The following UBXN11 variants were observed in gnomAD, a reference collection of about 807,000 sequenced individuals.
UBXN11 encodes UBX domain-containing protein 11.
Under a neutral mutation model 62.8 loss-of-function variants are expected in UBXN11, and 47 were observed. That is an observed-to-expected ratio of 0.75 (90% CI 0.59 to 0.95). The LOEUF (loss-of-function observed/expected upper bound fraction) is 0.95. Ranked by LOEUF, UBXN11 falls within the 40% of genes least tolerant of loss-of-function variation. UBXN11 has a pLI of 0.00. For synonymous variants in UBXN11, 294 were observed against 267.0 expected, an observed-to-expected ratio of 1.10 and a Z score of -0.99; for missense variants, 638 against 661.7, an observed-to-expected ratio of 0.96 and a Z score of 0.39.
chr1:26,307,676 T>C (rs2073695326), upstream of UBXN11, among the ~76,000 whole-genome samples: 1 of 149,006 alleles, frequency 6.7e-6, no homozygotes, highest in South Asian at 2.2e-4. Flanking sequence ...GCCTACCACA[T>C]TCAGGGAAGG....
chr1:26,317,706 T>C (rs1311262053), intron 1 of UBXN11, among the ~76,000 whole-genome samples: 1 of 152,162 alleles, frequency 6.6e-6, no homozygotes, highest in Non-Finnish European at 1.5e-5. Flanking sequence ...GCCTGCAGGA[T>C]GCATGATTCC....
chr1:26,285,106 A>G, intron 10 of UBXN11: 3 of 1,051,812 alleles, frequency 2.9e-6, no homozygotes, highest in Non-Finnish European at 3.4e-6. Context: ...TGTGGCTCAC[A>G]GCACTGCCTC....
chr1:26,301,195 G>C (rs974573517), intron 3 of UBXN11, 171 bp from the exon 4 acceptor site: 1 of 1,332,956 alleles, frequency 7.5e-7, no homozygotes, highest in African/African-American at 1.5e-5. Flanking sequence ...GGCTGTTTTG[G>C]AGTTCTTCCA....
chr1:26,294,364 G>A (rs759082985), intron 7 of UBXN11, 33 bp from the exon 8 acceptor site: 14 of 1,607,768 alleles, frequency 8.7e-6, no homozygotes, highest in Admixed American at 6.7e-5. Context: ...GCGGGGCACC[G>A]TCAGCTCAGC....
At chr1:26,299,836 T>A (rs896409344) in intron 4 of UBXN11, among the ~76,000 whole-genome samples, 1 of 151,716 alleles carries the variant, frequency 6.6e-6, no homozygotes, top group Non-Finnish European at 1.5e-5. Context: ...TGGTTACTAC[T>A]GAAAGTGACC....
intron 4 of UBXN11, 97 bp downstream of exon 4, chr1:26,300,829 C>G: frequency 6.3e-7 from 1 of 1,575,934 alleles, no homozygotes; most frequent in Non-Finnish European, 8.6e-7. Flanking sequence ...TCAGACCAAA[C>G]AGGCGAGAGG....
At chr1:26,308,041 C>G (rs1423941468), upstream of UBXN11, among the ~76,000 whole-genome samples, 1 of 152,048 alleles carries the variant, frequency 6.6e-6, no homozygotes, top group South Asian at 2.1e-4. Context: ...CTGAGGCAGG[C>G]GGATCATCTG....
intron 1 of UBXN11, among the ~76,000 whole-genome samples, chr1:26,304,387 C>G (rs2073612047): frequency 6.6e-6 from 1 of 152,016 alleles, no homozygotes; most frequent in Non-Finnish European, 1.5e-5. Flanking sequence ...CCAGAGAGAT[C>G]TTAAAACATA....
chr1:26,302,286 G>A (rs1301211437), intron 2 of UBXN11, among the ~76,000 whole-genome samples: 2 of 147,494 alleles, frequency 1.4e-5, no homozygotes, highest in African/African-American at 5.0e-5. Context: ...CTTGAACTCA[G>A]GAGGCACAGG....
intron 10 of UBXN11, 41 bp from the exon 11 acceptor site, chr1:26,284,523 C>G: frequency 1.3e-6 from 2 of 1,550,888 alleles, no homozygotes. Flanking sequence ...GGACCCAGCT[C>G]TTCAGCCCTT....
chr1:26,294,094 G>A, intron 8 of UBXN11, 111 bp downstream of exon 8: 2 of 1,498,302 alleles, frequency 1.3e-6, no homozygotes, highest in East Asian at 2.4e-5. Context: ...AGGGCGTCTT[G>A]GGTCAGGGAC....
At chr1:26,302,504 C>T (rs1443237574) in intron 2 of UBXN11, among the ~76,000 whole-genome samples, 1 of 152,080 alleles carries the variant, frequency 6.6e-6, no homozygotes, top group Non-Finnish European at 1.5e-5. Flanking sequence ...CCACACAGGG[C>T]CTGGCCCAGG....
At chr1:26,309,847 C>T (rs2073723672), upstream of UBXN11, among the ~76,000 whole-genome samples, 1 of 152,166 alleles carries the variant, frequency 6.6e-6, no homozygotes, top group Admixed American at 6.6e-5. Flanking sequence ...GAGGCACCGG[C>T]CCCAGCATGA....
chr1:26,307,936 T>C (rs552846104), upstream of UBXN11, among the ~76,000 whole-genome samples: 35 of 152,224 alleles, frequency 2.3e-4, 1 homozygote, highest in African/African-American at 7.2e-4. Flanking sequence ...AGAGAGCTAC[T>C]ACTACTGAGT....
chr1:26,296,611 G>A lies in UBXN11; in HGVS notation c.432+308C>T, dbSNP rs568383580. ...CAAGCTAAGATGAAGAGGCATGCAG[G>A]GGCCAGCCCGCAGGGGCCACAGCGA... On this transcript the variant is annotated intron_variant, in intron 7 of 14. Coordinates refer to ENST00000374222, the MANE Select transcript of UBXN11 (RefSeq NM_001389556.1). Among the ~76,000 whole-genome samples, 10 of 152,306 alleles carry A rather than the reference G, an allele frequency of 6.6e-5. No homozygotes were observed. The South Asian group carries it at 1.9e-3, about 28-fold the overall frequency.
At chr1:26,293,997 G>A (rs1244751798) in intron 8 of UBXN11, among the ~76,000 whole-genome samples, 9 of 152,100 alleles carry the variant, frequency 5.9e-5, no homozygotes, top group South Asian at 2.1e-4. Context: ...AGGTAGGACC[G>A]TGGAGAAGTG....
chr1:26,306,124 A>C (rs1557691597), intron 1 of UBXN11, among the ~76,000 whole-genome samples: 1 of 152,056 alleles, frequency 6.6e-6, no homozygotes, highest in Non-Finnish European at 1.5e-5. Context: ...CAGTCGCCTA[A>C]CTCCTTCACT....
rs561992251 is a variant in UBXN11 at position 26,294,254 on chromosome 1, T to G, written c.510A>C (p.Ser170=). The change falls in exon 8 of 15, where the codon TCA becomes TCC. Residue 170 remains serine (S), a synonymous_variant. Coordinates refer to ENST00000374222, the MANE Select transcript of UBXN11 (RefSeq NM_001389556.1). ...TCATCCAGTCCCTCTCGCCATGCTC[T>G]GAGACTGTCTTGCTCTCTGAGTCCT... ...DQEDSESKTV[S]EHGERDWMTA... is the part of the protein sequence containing the mutation. The G allele has an allele frequency of 1.2e-6, 2 of 1,614,214 alleles. No individual in the cohort carries two copies. Among genetic ancestry groups the G allele is most frequent in the Non-Finnish European group, 1.7e-6 (2 of 1,179,994 alleles).
rs537080135 is a variant in UBXN11 at position 26,314,346 on chromosome 1, C to G, written c.-149+3701G>C. Among the ~76,000 whole-genome samples, 147 of 152,234 alleles carry G rather than the reference C, an allele frequency of 9.7e-4. 5 individuals are homozygous for G. Among genetic ancestry groups the G allele is most frequent in the Admixed American group, 7.7e-3 (118 of 15,274 alleles). On this transcript the variant is annotated intron_variant, in intron 1 of 14. Coordinates refer to the UBXN11 transcript ENST00000374217. ...GGTGGGGGGAGTTTGTCAGGGCTCC[C>G]CTTTCTTAGAGAATCTAGAACTATA... is the stretch of plus-strand genomic sequence containing the variant.
Sources: allele counts gnomAD v4.1 joint callset (sites outside exome capture counted in the v4.1 genomes callset), GRCh38; gene constraint gnomAD v4.1.1; transcripts MANE v1.5; gene names NCBI Gene and HGNC (gene_info 2026-07-23, HGNC 2026-07-21).